Variants in DNAH12 observed in about 807,000 individuals in gnomAD.
The protein encoded by DNAH12 is axonemal beta dynein heavy chain 12.
A neutral mutation model predicts 371.5 loss-of-function variants in DNAH12; 285 were observed. The observed-to-expected ratio is 0.77, with a 90% CI of 0.70 to 0.85. DNAH12 has a LOEUF of 0.85. DNAH12 is among the 40% of genes least tolerant of loss of function. The probability of loss-of-function intolerance (pLI) is 0.00; values close to 1 mark genes in which losing one functional copy is unlikely to be tolerated. For missense variants in DNAH12, 3,611 were observed against 3,689.4 expected (o/e 0.98, Z 0.55); for synonymous variants, 1,200 against 1,213.0 (o/e 0.99, Z 0.22).
At position 57,470,622 on chromosome 3, in the gene DNAH12, T is replaced by C. The variant is rs1267232913; in HGVS notation, c.1926A>G (p.Val642=). ...LERMQQYVTD[V]RQLQKRIQES... is the part of the protein sequence containing the mutation. ...CCTGAATACGTTTTTGTAGTTGTCT[T>C]ACATCTGTCACATACTGAAAGTAAA... Residue 642 remains valine (V), a synonymous_variant, in exon 16 of 74, where the codon GTA becomes GTG. Transcript: ENST00000495027. 4.6e-6 allele frequency: 7 copies of C among 1,536,380 alleles called. No individual in the cohort carries two copies. Among genetic ancestry groups the C allele is most frequent in the Non-Finnish European group, 6.1e-6 (7 of 1,143,848 alleles).
chr3:57,474,252 T>C (rs1377910881), intron 13 of DNAH12, among the ~76,000 whole-genome samples: 1 of 152,190 alleles, frequency 6.6e-6, no homozygotes, highest in Non-Finnish European at 1.5e-5. Context: ...TCAGATAAAC[T>C]ATTAAAATTA....
Position 57,430,836 on chromosome 3 carries a change from G to A in DNAH12, c.4981-1062C>T, listed in dbSNP as rs115307266. Among the ~76,000 whole-genome samples the A allele has an allele frequency of 6.2e-3, 943 of 152,182 alleles. 5 individuals are homozygous for A. Among genetic ancestry groups the A allele is most frequent in the Non-Finnish European group, 0.01 (713 of 68,004 alleles). On this transcript the variant is annotated intron_variant, in intron 32 of 73. Transcript: ENST00000495027. ...GAGAAATTTAACATTTGTGGATTCC[G>A]TTTCTTAGCTGTAAAATGAATGATC...
rs1049754802 is a variant in DNAH12, at chr3:57,353,050, C to T, written c.9534-825G>A. Among the ~76,000 whole-genome samples the T allele has an allele frequency of 6.0e-4, 92 of 152,194 alleles. 1 individual carries two copies. The highest frequency in any genetic ancestry group is 2.2e-3 in the African/African-American group (92 of 41,522). On this transcript the variant is annotated intron_variant, in intron 59 of 73. Transcript: ENST00000495027. ...GTTGCAGTGTGAGATCACGTCACTG[C>T]ACTCGAGCCTGGGTAATGGAATGAG...
At chr3:57,478,105 T>G (rs2066600078) in intron 13 of DNAH12, among the ~76,000 whole-genome samples, 1 of 152,096 alleles carries the variant, frequency 6.6e-6, no homozygotes, top group Non-Finnish European at 1.5e-5. Context: ...AGAAGAAGGC[T>G]TCAGATGATC....
chr3:57,384,590 G>A (rs957462698), intron 49 of DNAH12, among the ~76,000 whole-genome samples: 1 of 152,128 alleles, frequency 6.6e-6, no homozygotes, highest in South Asian at 2.1e-4. Context: ...GCTGCAGTGG[G>A]CCATGATTGC....
rs552094417 is a variant in DNAH12, at chr3:57,296,511, T to C, written c.11533-76A>G. ...TCATAAAGAACACATTAGCGAAATA[T>C]TCAGAACACATTCAGGGAAACTCTA... is the stretch of plus-strand genomic sequence containing the variant. On this transcript the variant is annotated intron_variant, in intron 71 of 73. Transcript: ENST00000495027. The C allele has an allele frequency of 2.5e-5, 28 of 1,125,942 alleles. No homozygotes were observed. In the African/African-American group the frequency reaches 3.7e-4, roughly 15 times the overall value. The allele number at this position is 1,125,942 out of a possible 1,614,324, so 69.7% of individuals were successfully genotyped here. A position where few individuals can be genotyped will look rare whatever the true frequency, so the allele number is the denominator to read the frequency against.
chr3:57,505,254 G>A (rs1317252815), intron 8 of DNAH12, among the ~76,000 whole-genome samples: 88 of 83,820 alleles, frequency 1.0e-3, no homozygotes, highest in African/African-American at 2.4e-3. Context: ...CCCACCCCCC[G>A]CCCACTTCTC....
Position 57,394,611 on chromosome 3 carries a change from G to A in DNAH12, c.6949-279C>T, listed in dbSNP as rs961102435. Among the ~76,000 whole-genome samples, 1,344 of 152,264 alleles carry A rather than the reference G, an allele frequency of 8.8e-3. 9 individuals carry two copies. Among genetic ancestry groups the A allele is most frequent in the African/African-American group, 0.031 (1,275 of 41,526 alleles). Reference sequence around the variant, plus strand: ...CAATCATAGTCTTACTTCAGGGACTGAGATAGACTTGAAACAGAGAGAATC... The same window carrying A: ...CAATCATAGTCTTACTTCAGGGACTAAGATAGACTTGAAACAGAGAGAATC... On this transcript the variant is annotated intron_variant, in intron 43 of 73. Transcript: ENST00000495027.
rs2064859261 is a variant in DNAH12, at chr3:57,428,680, C to T, written c.5206G>A (p.Ala1736Thr). ...EYQALLRGLF[A>T]WLIPPSLNQR... is the part of the protein sequence containing the mutation. ...TTTAAAGAGGGTGGTATTAACCAGG[C>T]AAAAAGTCCTCTCAGAAGAGCTTGA... The change falls in exon 34 of 74, where the codon GCC (alanine) becomes ACC (threonine). Residue 1736 changes from alanine to threonine, a missense_variant. Around this residue, in one of 3 missense-constraint regions of DNAH12, gnomAD observed 2,266 missense variants for 2,236.9 expected, o/e 1.01. Transcript: ENST00000495027. 1 of 1,549,464 alleles carries T rather than the reference C, an allele frequency of 6.5e-7. No homozygotes were observed. The highest frequency in any genetic ancestry group is 1.2e-5 in the South Asian group (1 of 83,386).
intron 55 of DNAH12, among the ~76,000 whole-genome samples, chr3:57,374,812 C>A (rs1327294464): frequency 6.6e-6 from 1 of 152,082 alleles, no homozygotes; most frequent in Admixed American, 6.5e-5. Context: ...CATTATGATT[C>A]CTTTATATGA....
At chr3:57,451,579 CAGTG>C (rs1410741037) in intron 25 of DNAH12, among the ~76,000 whole-genome samples, 1 of 152,166 alleles carries the variant, frequency 6.6e-6, no homozygotes, top group Non-Finnish European at 1.5e-5. Flanking sequence ...GCAGAGGTTG[CAGTG>C]AGCCATGATG....
At position 57,523,886 on chromosome 3, in the gene DNAH12, T is replaced by C; in HGVS notation, c.171-2A>G. The stretch of plus-strand genomic sequence containing the variant: ...AAATTTCTTTTGGCTCCATCAATTC[T>C]GAAATTTATAGTTAGAAATATGACT... On this transcript the variant is annotated splice_acceptor_variant, in intron 2 of 73. Coordinates refer to ENST00000495027, the MANE Select transcript of DNAH12 (RefSeq NM_001366028.2). LOFTEE classifies it high-confidence loss of function. 2 of 1,588,720 alleles carry C rather than the reference T, an allele frequency of 1.3e-6. No individual in the cohort carries two copies. The highest frequency in any genetic ancestry group is 3.4e-4 in the Middle Eastern group (2 of 5,970).
At chr3:57,400,492 G>A (rs1233953422) in intron 43 of DNAH12, among the ~76,000 whole-genome samples, 1 of 152,170 alleles carries the variant, frequency 6.6e-6, no homozygotes, top group Non-Finnish European at 1.5e-5. Context: ...CCCAGTGGAT[G>A]CCTGAAACAA....
intron 62 of DNAH12, among the ~76,000 whole-genome samples, chr3:57,330,427 G>T (rs1211979071): frequency 2.0e-5 from 3 of 151,972 alleles, no homozygotes; most frequent in African/African-American, 7.3e-5. Flanking sequence ...CATGGATGAA[G>T]CTGGAAACCA....
intron 1 of DNAH12, 79 bp downstream of exon 1, chr3:57,544,118 G>C (rs1559769660): frequency 6.6e-6 from 1 of 152,250 alleles, no homozygotes; most frequent in Non-Finnish European, 1.5e-5. Flanking sequence ...TTCCTGCCTT[G>C]AAAGAGTGTT....
Position 57,421,528 on chromosome 3 carries a change from T to A in DNAH12, c.5552A>T (p.Tyr1851Phe). ...CTTTTTATGTCATACCTCATACATGTAGTCATAGACCAGGCCTTTTTCATC... is the reference window on the plus strand; with the variant it reads ...CTTTTTATGTCATACCTCATACATGAAGTCATAGACCAGGCCTTTTTCATC... ...PFDEKGLVYD[Y>F]MYELKNKGRW... The change falls in exon 36 of 74, where the codon TAC (tyrosine) becomes TTC (phenylalanine). Residue 1851 changes from tyrosine to phenylalanine, a missense_variant. Tyr to Phe is a conservative substitution (Grantham distance 22). Coordinates refer to ENST00000495027, the MANE Select transcript of DNAH12 (RefSeq NM_001366028.2). 6.4e-7 allele frequency: 1 copy of A among 1,551,676 alleles called. No individual in the cohort carries two copies.
chr3:57,358,323 G>A (rs1453392866), intron 58 of DNAH12, among the ~76,000 whole-genome samples: 1 of 152,156 alleles, frequency 6.6e-6, no homozygotes, highest in Non-Finnish European at 1.5e-5. Flanking sequence ...TATAAAGGAA[G>A]AGATACAAAA....
chr3:57,493,440 A>G (rs939376440), intron 11 of DNAH12, among the ~76,000 whole-genome samples: 1 of 152,234 alleles, frequency 6.6e-6, no homozygotes, highest in Non-Finnish European at 1.5e-5. Flanking sequence ...ATTTTATATG[A>G]GACTTGAGCA....
Position 57,293,753 on chromosome 3 carries a change from T to G in DNAH12, c.*28A>C. On this transcript the variant is annotated 3_prime_UTR_variant, in exon 74 of 74. Transcript: ENST00000495027. ...AGGACAGGTTTTTTTTTTTTTAAAC[T>G]TTTGGATGTTTTATAAATTTGTCCA... The G allele has an allele frequency of 6.5e-7, 1 of 1,532,044 alleles. No individual in the cohort carries two copies. Among genetic ancestry groups the G allele is most frequent in the East Asian group, 2.5e-5 (1 of 40,772 alleles). 94.9% of individuals were successfully genotyped at this position (1,532,044 alleles called of 1,614,324 possible).
Sources: allele counts gnomAD v4.1 joint callset (sites outside exome capture counted in the v4.1 genomes callset), GRCh38; gene constraint gnomAD v4.1.1; regional missense constraint gnomAD v4.1.1; transcripts MANE v1.5; gene names NCBI Gene and HGNC (gene_info 2026-07-23, HGNC 2026-07-21).